The following SCOC variants were observed in gnomAD, a reference collection of about 807,000 sequenced individuals.
SCOC encodes short coiled coil protein.
A neutral mutation model predicts 9.9 loss-of-function variants in SCOC; 7 were observed. That is an observed-to-expected ratio of 0.71 (90% CI 0.40 to 1.33). The LOEUF is 1.33. Ranked by LOEUF, SCOC falls within the 40% of genes most tolerant of loss-of-function variation. The probability of loss-of-function intolerance (pLI) is 0.01; values close to 1 mark genes in which losing one functional copy is unlikely to be tolerated. For synonymous variants in SCOC, 19 were observed against 28.2 expected (o/e 0.67, Z 1.03); for missense variants, 66 against 89.7 (o/e 0.74, Z 1.07).
intron 2 of SCOC, among the ~76,000 whole-genome samples, chr4:140,362,312 T>TCCTC: frequency 1.6e-5 from 1 of 63,586 alleles, no homozygotes; most frequent in Non-Finnish European, 3.5e-5. Flanking sequence ...TTTTTTTTTT[T>TCCTC]TTTGTGAGAG....
chr4:140,264,932 T>A (rs1222834603), intron 1 of SCOC, among the ~76,000 whole-genome samples: 1 of 152,102 alleles, frequency 6.6e-6, no homozygotes, highest in East Asian at 1.9e-4. Flanking sequence ...GGAGCTGCAT[T>A]TGTAACTATT....
At chr4:140,304,498 AAG>A (rs1731907468) in intron 1 of SCOC, among the ~76,000 whole-genome samples, 1 of 152,166 alleles carries the variant, frequency 6.6e-6, no homozygotes, top group Non-Finnish European at 1.5e-5. Context: ...CATCTGCACA[AAG>A]AGGCCTGTTG....
chr4:140,285,393 A>G (rs1731237334), intron 1 of SCOC: 2 of 418,982 alleles, frequency 4.8e-6, no homozygotes, highest in South Asian at 3.5e-5. Context: ...AATGGGAGAG[A>G]GTGTACTTAT....
chr4:140,366,857 C>A (rs938888284), intron 2 of SCOC: 4 of 774,850 alleles, frequency 5.2e-6, no homozygotes, highest in Non-Finnish European at 9.3e-6. Flanking sequence ...CGCCTGAACA[C>A]CATGTTGGTG....
intron 2 of SCOC, among the ~76,000 whole-genome samples, chr4:140,354,785 C>T (rs1727139913): frequency 6.6e-6 from 1 of 151,748 alleles, no homozygotes; most frequent in South Asian, 2.1e-4. Flanking sequence ...AATCAAATGT[C>T]ATTCTAGTTT....
chr4:140,302,327 A>G (rs1009791374), intron 1 of SCOC, among the ~76,000 whole-genome samples: 2 of 152,124 alleles, frequency 1.3e-5, no homozygotes, highest in African/African-American at 2.4e-5. Flanking sequence ...ACAATGATTT[A>G]TTGTTGAAGA....
intron 3 of SCOC, 91 bp from the exon 4 acceptor site, chr4:140,380,871 T>C: frequency 9.8e-7 from 1 of 1,021,108 alleles, no homozygotes. Flanking sequence ...AGGATTGTAT[T>C]ATTTCTTTTA....
chr4:140,363,852 C>T (rs1273745061), intron 2 of SCOC, among the ~76,000 whole-genome samples: 1 of 152,174 alleles, frequency 6.6e-6, no homozygotes, highest in Admixed American at 6.5e-5. Flanking sequence ...TAGTGCAATA[C>T]TGTAAACCTT....
At chr4:140,342,043 C>T (rs1363332437), upstream of SCOC, among the ~76,000 whole-genome samples, 3 of 152,150 alleles carry the variant, frequency 2.0e-5, no homozygotes, top group Non-Finnish European at 4.4e-5. Flanking sequence ...TCTTTTTAAT[C>T]CCATCTTGGT....
At chr4:140,338,032 C>G (rs946424273) in intron 1 of SCOC, among the ~76,000 whole-genome samples, 5 of 152,224 alleles carry the variant, frequency 3.3e-5, no homozygotes, top group African/African-American at 9.6e-5. Context: ...TGATGAACAT[C>G]GATGCAAAAA....
chr4:140,282,826 C>G (rs898066484), intron 1 of SCOC, among the ~76,000 whole-genome samples: 10 of 152,220 alleles, frequency 6.6e-5, no homozygotes, highest in African/African-American at 2.4e-4. Context: ...AGCTCCGACT[C>G]CCAGGACAGC....
upstream of SCOC, chr4:140,369,368 T>C (rs72716361): frequency 1.1e-3 from 384 of 362,390 alleles, 1 homozygote; most frequent in Non-Finnish European, 1.8e-3. Context: ...GTGAAAAAAA[T>C]GAGTAAAAAA....
In SCOC at chr4:140,275,885, A is replaced by G. The variant is rs140518764; in HGVS notation, c.-19+18475A>G. 4.0e-4 allele frequency among the ~76,000 whole-genome samples: 52 copies of G among 131,074 alleles called. No individual in the cohort carries two copies. The Middle Eastern group carries it at 0.019, about 48-fold the overall frequency. The allele number at this position is 131,074 out of a possible 152,430, so 86.0% of individuals were successfully genotyped here. ...GTCTCCCAGGTTAGAGTGCAGTGCTATGATCTCTTCTCACTGCAACCTATG... is the reference window on the plus strand; with the variant it reads ...GTCTCCCAGGTTAGAGTGCAGTGCTGTGATCTCTTCTCACTGCAACCTATG... On this transcript the variant is annotated intron_variant, in intron 1 of 4. Transcript: ENST00000394205.
At chr4:140,272,222 A>ATTT (rs10685796) in intron 1 of SCOC, among the ~76,000 whole-genome samples, 10,154 of 142,244 alleles carry the variant, frequency 0.071, 1,001 homozygotes, top group African/African-American at 0.22. Flanking sequence ...CCTACCTTTA[A>ATTT]TTTTTTTTTT....
chr4:140,371,440 C>A (rs1476456678), upstream of SCOC, among the ~76,000 whole-genome samples: 1 of 152,088 alleles, frequency 6.6e-6, no homozygotes, highest in African/African-American at 2.4e-5. Context: ...AGTTTTATTT[C>A]TGTCGTGGTA....
intron 2 of SCOC, among the ~76,000 whole-genome samples, chr4:140,351,587 G>C (rs1238844490): frequency 6.6e-6 from 1 of 151,978 alleles, no homozygotes; most frequent in Non-Finnish European, 1.5e-5. Flanking sequence ...CCAGAGAAGT[G>C]GCACAATTGT....
At chr4:140,283,574 A>G (rs933232824) in intron 1 of SCOC, 3 of 152,240 alleles carry the variant, frequency 2.0e-5, no homozygotes, top group African/African-American at 7.2e-5. Context: ...TCTTGATGAT[A>G]CAGGTTGGGC....
intron 2 of SCOC, among the ~76,000 whole-genome samples, chr4:140,351,363 T>A (rs1335850795): frequency 2.6e-5 from 4 of 151,430 alleles, no homozygotes; most frequent in African/African-American, 9.7e-5. Context: ...ACGATTCTTT[T>A]CTGATGAATA....
intron 1 of SCOC, among the ~76,000 whole-genome samples, chr4:140,261,152 CTAT>C (rs1311694057): frequency 6.6e-6 from 1 of 152,174 alleles, no homozygotes; most frequent in African/African-American, 2.4e-5. Context: ...TGGTGATGAC[CTAT>C]TACCTTTCAT....
Sources: allele counts gnomAD v4.1 joint callset (sites outside exome capture counted in the v4.1 genomes callset), GRCh38; gene constraint gnomAD v4.1.1; transcripts MANE v1.5; gene names NCBI Gene and HGNC (gene_info 2026-07-23, HGNC 2026-07-21).